NBPF12: variants seen among roughly 807,000 people sequenced by gnomAD.
The protein encoded by NBPF12 is NBPF family member NBPF12.
NBPF12 carries 115 observed loss-of-function variants against 146.4 expected under a neutral mutation model. That is an observed-to-expected ratio of 0.79 (90% CI 0.68 to 0.92). NBPF12 has a LOEUF of 0.92. Among genes scored for constraint, NBPF12 ranks in the 40% least tolerant of loss-of-function variants. The pLI, the probability that NBPF12 is intolerant of heterozygous loss-of-function variation, is 0.00. For synonymous variants in NBPF12, 385 were observed against 508.9 expected (o/e 0.76, Z 3.28); for missense variants, 1,205 against 1,326.8 (o/e 0.91, Z 1.43).
chr1:146,989,430 A>G, intron 27 of NBPF12, 144 bp from the exon 31 acceptor site: 1 of 907,636 alleles, frequency 1.1e-6, no homozygotes, highest in Non-Finnish European at 1.8e-6. Context: ...CTATCCCAAC[A>G]TAAAGGCAAT....
At chr1:146,972,007 G>T (rs1355429799) in intron 13 of NBPF12, among the ~76,000 whole-genome samples, 1 of 148,654 alleles carries the variant, frequency 6.7e-6, no homozygotes, top group African/African-American at 2.5e-5. Flanking sequence ...AGAATGGCAT[G>T]AACCCAGGAA....
chr1:146,948,587 C>T (rs1254971808), upstream of NBPF12, among the ~76,000 whole-genome samples: 1 of 151,916 alleles, frequency 6.6e-6, no homozygotes, highest in East Asian at 1.9e-4. Context: ...ATCTCAAGTA[C>T]CCAGAGACAC....
chr1:146,954,461 A>C (rs1655473390), intron 2 of NBPF12, among the ~76,000 whole-genome samples: 1 of 145,966 alleles, frequency 6.9e-6, no homozygotes, highest in Non-Finnish European at 1.5e-5. Context: ...AAAACTACAA[A>C]AAATTGCTTT....
chr1:146,970,593 G>C (rs1306051356), intron 11 of NBPF12, 54 bp from the exon 15 acceptor site: 5 of 1,563,890 alleles, frequency 3.2e-6, no homozygotes, highest in Middle Eastern at 2.3e-4. Flanking sequence ...TGGGCTGACT[G>C]TGCTTGCAGA....
chr1:146,939,268 G>C (rs1253191385), intron 1 of NBPF12, among the ~76,000 whole-genome samples: 4 of 152,058 alleles, frequency 2.6e-5, no homozygotes, highest in Admixed American at 2.0e-4. Context: ...GAGCAGCTTC[G>C]GGGGCACGTC....
At chr1:146,943,440 C>T (rs1232175839) in exon 2 of NBPF12, 4 of 574,910 alleles carry the variant, frequency 7.0e-6, no homozygotes, top group Non-Finnish European at 1.2e-5. Context: ...GTGCCACCAA[C>T]TCCCACTGTC....
chr1:146,982,373 T>C (rs1244495954), intron 19 of NBPF12, among the ~76,000 whole-genome samples: 1 of 150,830 alleles, frequency 6.6e-6, no homozygotes, highest in Non-Finnish European at 1.5e-5. Flanking sequence ...AACAGGGATT[T>C]CTTGGTGTTG....
At chr1:146,944,752 C>A (rs1266780408), upstream of NBPF12, among the ~76,000 whole-genome samples, 2 of 151,576 alleles carry the variant, frequency 1.3e-5, no homozygotes, top group African/African-American at 2.4e-5. Context: ...TGTAAGTTCC[C>A]CTGGATGTTC....
intron 1 of NBPF12, among the ~76,000 whole-genome samples, chr1:146,942,874 C>G (rs1256712316): frequency 1.3e-5 from 2 of 150,100 alleles, no homozygotes; most frequent in African/African-American, 5.0e-5. Flanking sequence ...AGATCTACCT[C>G]AAATATTCCT....
chr1:146,952,356 C>G (rs1206338525), intron 2 of NBPF12, among the ~76,000 whole-genome samples: 6 of 152,214 alleles, frequency 3.9e-5, no homozygotes, highest in African/African-American at 1.2e-4. Context: ...CTTCTATTCT[C>G]TTGCATCGTC....
chr1:146,959,194 G>A (rs1372115673), intron 2 of NBPF12, among the ~76,000 whole-genome samples: 5 of 92,610 alleles, frequency 5.4e-5, no homozygotes, highest in Non-Finnish European at 8.7e-5. Context: ...AAGAGAAGTC[G>A]GCCGTGTGCG....
At chr1:146,994,669 C>T in exon 34 of NBPF12, 3 of 1,564,376 alleles carry the variant, frequency 1.9e-6, no homozygotes, top group Non-Finnish European at 2.6e-6. Flanking sequence ...TTTGGAAGCC[C>T]AGACATAGGA....
chr1:146,981,759 T>C (rs1657413469), intron 19 of NBPF12, among the ~76,000 whole-genome samples: 1 of 151,786 alleles, frequency 6.6e-6, no homozygotes, highest in South Asian at 2.1e-4. Context: ...TTCTTTTTAC[T>C]CTTTTTTCTC....
chr1:146,960,223 A>G, exon 4 of NBPF12: 4 of 1,161,148 alleles, frequency 3.4e-6, no homozygotes, highest in Non-Finnish European at 3.8e-6. Flanking sequence ...TTGCGCCCCC[A>G]GTTGGCAGAG....
intron 12 of NBPF12, 56 bp from the exon 16 acceptor site, chr1:146,971,127 G>C (rs1656584690): frequency 1.1e-5 from 17 of 1,608,390 alleles, no homozygotes; most frequent in Non-Finnish European, 1.1e-5. Context: ...GACTCCTTGG[G>C]GTCCAATCCC....
rs1656540956 is a variant in NBPF12, at chr1:146,970,631, C to T, written c.1307-16C>T. ...GTGAAGTGGAAAATATCTGAACGAA[C>T]ATTTTGTATTTATAGAAAATGATGA... On this transcript the variant is annotated splice_polypyrimidine_tract_variant and intron_variant, in intron 11 of 33. Coordinates refer to ENST00000617844, the Ensembl canonical transcript of NBPF12. 1 of 1,557,822 alleles carries T rather than the reference C, an allele frequency of 6.4e-7. No homozygotes were observed. The highest frequency in any genetic ancestry group is 1.4e-5 in the African/African-American group (1 of 72,582).
chr1:146,969,945 A>G (rs1416687609), intron 11 of NBPF12, among the ~76,000 whole-genome samples: 6 of 150,826 alleles, frequency 4.0e-5, no homozygotes, highest in Non-Finnish European at 5.9e-5. Flanking sequence ...CTTTTTGGCA[A>G]TGTTCTTAGT....
At chr1:146,970,654 T>C (rs2101874227) in exon 12 of NBPF12, 1 of 1,512,872 alleles carries the variant, frequency 6.6e-7, no homozygotes, top group East Asian at 2.3e-5. Flanking sequence ...TAGAAAATGA[T>C]GAAGATGAGG....
chr1:146,994,384 C>G (rs782445480), exon 34 of NBPF12: 4 of 1,612,296 alleles, frequency 2.5e-6, no homozygotes, highest in African/African-American at 1.3e-5. Context: ...GCAGGACTCA[C>G]TGGATAGATG....
Sources: allele counts gnomAD v4.1 joint callset (sites outside exome capture counted in the v4.1 genomes callset), GRCh38; gene constraint gnomAD v4.1.1; transcripts MANE v1.5; gene names NCBI Gene and HGNC (gene_info 2026-07-23, HGNC 2026-07-21).